Variants in CSGALNACT1 observed in about 807,000 individuals in gnomAD.
The protein encoded by CSGALNACT1 is beta4GalNAcT-1.
A neutral mutation model predicts 51.0 loss-of-function variants in CSGALNACT1; 52 were observed. The observed-to-expected ratio is 1.02, with a 90% confidence interval of 0.82 to 1.29. The LOEUF (loss-of-function observed/expected upper bound fraction) is 1.29, where lower values mean the gene tolerates loss of function less well. Ranked by LOEUF, CSGALNACT1 falls within the 50% of genes most tolerant of loss-of-function variation. CSGALNACT1 has a pLI of 0.00. For synonymous variants in CSGALNACT1, 341 were observed against 254.4 expected (o/e 1.34, Z -3.24); for missense variants, 935 against 679.2 (o/e 1.38, Z -4.19).
At chr8:19,431,631 T>A (rs911306309) in intron 6 of CSGALNACT1, among the ~76,000 whole-genome samples, 2 of 152,082 alleles carry the variant, frequency 1.3e-5, no homozygotes, top group African/African-American at 4.8e-5. Flanking sequence ...TTTCTTTCCT[T>A]GTTCTGTCTT....
chr8:19,730,674 G>A (rs1022228278), intron 1 of CSGALNACT1, among the ~76,000 whole-genome samples: 2 of 152,200 alleles, frequency 1.3e-5, no homozygotes, highest in African/African-American at 4.8e-5. Context: ...CCCCTCCCAG[G>A]TCCATCCAGT....
chr8:19,717,017 T>C (rs2062850089), intron 1 of CSGALNACT1, among the ~76,000 whole-genome samples: 1 of 152,180 alleles, frequency 6.6e-6, no homozygotes, highest in African/African-American at 2.4e-5. Context: ...TTCTAAGCCT[T>C]AGTGGGGATA....
intron 2 of CSGALNACT1, among the ~76,000 whole-genome samples, chr8:19,595,725 G>A (rs986962168): frequency 6.6e-6 from 1 of 151,898 alleles, no homozygotes; most frequent in Admixed American, 6.6e-5. Flanking sequence ...AGTAACAATT[G>A]AACTGTTTGT....
At chr8:19,618,265 C>T (rs866667667) in intron 1 of CSGALNACT1, among the ~76,000 whole-genome samples, 1 of 152,036 alleles carries the variant, frequency 6.6e-6, no homozygotes, top group Non-Finnish European at 1.5e-5. Context: ...ATCTATGTCT[C>T]GGCAAAATAT....
chr8:19,749,355 T>TA (rs2064887202), intron 1 of CSGALNACT1, among the ~76,000 whole-genome samples: 2 of 145,806 alleles, frequency 1.4e-5, no homozygotes, highest in African/African-American at 2.6e-5. Flanking sequence ...ATTTTTGGCT[T>TA]TAAAAAAAAA....
At chr8:19,555,142 G>A (rs1293627459) in intron 3 of CSGALNACT1, among the ~76,000 whole-genome samples, 3 of 151,894 alleles carry the variant, frequency 2.0e-5, no homozygotes, top group Non-Finnish European at 2.9e-5. Context: ...AGGAGGCTGA[G>A]GCAGGAAAAT....
chr8:19,747,620 G>T (rs2064762183), intron 1 of CSGALNACT1, among the ~76,000 whole-genome samples: 1 of 152,086 alleles, frequency 6.6e-6, no homozygotes, highest in Non-Finnish European at 1.5e-5. Flanking sequence ...CTCAGATTTC[G>T]GCTTCAGCCA....
chr8:19,423,500 T>C (rs2058280117), intron 6 of CSGALNACT1, among the ~76,000 whole-genome samples: 2 of 152,128 alleles, frequency 1.3e-5, no homozygotes, highest in South Asian at 4.1e-4. Context: ...CCCCTAACCC[T>C]GGCTTGAGCT....
At chr8:19,475,145 G>T (rs1360054974) in intron 4 of CSGALNACT1, among the ~76,000 whole-genome samples, 1 of 152,152 alleles carries the variant, frequency 6.6e-6, no homozygotes, top group Non-Finnish European at 1.5e-5. Context: ...CACTTAACAG[G>T]GGTTGGATGA....
chr8:19,716,679 C>T lies in CSGALNACT1; in HGVS notation c.-297+41171G>A, dbSNP rs181388389. Among the ~76,000 whole-genome samples the T allele has an allele frequency of 2.4e-3, 352 of 147,760 alleles. 9 individuals are homozygous for T. Among genetic ancestry groups the T allele is most frequent in the Admixed American group, 0.022 (326 of 14,808 alleles). ...AGGTGGTGCACACCTATAATCCCAG[C>T]TACTCAGGAGACTGAGGCATGAGAA... is the stretch of plus-strand genomic sequence containing the variant. On this transcript the variant is annotated intron_variant, in intron 1 of 1. Transcript: ENST00000517494.
At chr8:19,481,997 T>C (rs908719754) in intron 4 of CSGALNACT1, among the ~76,000 whole-genome samples, 11 of 152,272 alleles carry the variant, frequency 7.2e-5, no homozygotes, top group African/African-American at 2.6e-4. Flanking sequence ...CAATAGGACA[T>C]AGGCAAACAC....
chr8:19,435,013 A>C (rs745324046), intron 6 of CSGALNACT1, among the ~76,000 whole-genome samples: 1 of 152,082 alleles, frequency 6.6e-6, no homozygotes, highest in Non-Finnish European at 1.5e-5. Flanking sequence ...CCTGATAACG[A>C]CAACAACCCT....
At chr8:19,727,679 T>C (rs1340047616) in intron 1 of CSGALNACT1, among the ~76,000 whole-genome samples, 3 of 152,296 alleles carry the variant, frequency 2.0e-5, no homozygotes, top group Admixed American at 6.5e-5. Flanking sequence ...GATATTCTCC[T>C]TTTTGGTCAT....
At position 19,562,125 on chromosome 8, in the gene CSGALNACT1, G is replaced by A. The variant is rs531354284; in HGVS notation, c.-297+29035C>T. ...GTCCCACTCTGAGCACCACCATCCT[G>A]CCACCCCCACAGACCCCCCACAGCC... On this transcript the variant is annotated intron_variant, in intron 3 of 9. Coordinates refer to ENST00000454498, the Ensembl canonical transcript of CSGALNACT1. Among the ~76,000 whole-genome samples the A allele has an allele frequency of 5.3e-5, 8 of 152,242 alleles. No individual in the cohort carries two copies. The South Asian group carries it at 1.7e-3, about 32-fold the overall frequency.
intron 8 of CSGALNACT1, among the ~76,000 whole-genome samples, chr8:19,418,110 G>A (rs1025015778): frequency 5.3e-5 from 8 of 152,234 alleles, no homozygotes; most frequent in African/African-American, 1.2e-4. Context: ...TAATGCTAAC[G>A]TCTACCCAAA....
intron 1 of CSGALNACT1, among the ~76,000 whole-genome samples, chr8:19,720,258 T>C (rs1373785395): frequency 6.6e-6 from 1 of 152,166 alleles, no homozygotes; most frequent in Non-Finnish European, 1.5e-5. Flanking sequence ...CCTAGTGATG[T>C]AGGGAGGCAG....
chr8:19,756,521 C>G (rs953701960), intron 1 of CSGALNACT1, among the ~76,000 whole-genome samples: 1 of 150,666 alleles, frequency 6.6e-6, no homozygotes, highest in African/African-American at 2.5e-5. Context: ...GCGACGGAAA[C>G]AAACAACTTT....
At chr8:19,507,975 G>A (rs973020846) in intron 3 of CSGALNACT1, among the ~76,000 whole-genome samples, 3 of 152,234 alleles carry the variant, frequency 2.0e-5, no homozygotes, top group African/African-American at 7.2e-5. Flanking sequence ...CAAGATCCCT[G>A]AGGGTATCAT....
At chr8:19,424,808 C>T (rs111406266) in intron 6 of CSGALNACT1, among the ~76,000 whole-genome samples, 370 of 152,280 alleles carry the variant, frequency 2.4e-3, no homozygotes, top group Non-Finnish European at 4.1e-3. Flanking sequence ...CACTGATGTG[C>T]CCAACGTAGT....
Sources: allele counts gnomAD v4.1 joint callset (sites outside exome capture counted in the v4.1 genomes callset), GRCh38; gene constraint gnomAD v4.1.1; transcripts MANE v1.5; gene names NCBI Gene and HGNC (gene_info 2026-07-23, HGNC 2026-07-21).